CSNK2A2IP: variants seen among roughly 807,000 people sequenced by gnomAD.
CSNK2A2IP encodes casein kinase 2 subunit alpha' interacting protein.
chr3:88,340,408 C>T, the CSNK2A2IP span, among the ~76,000 whole-genome samples: 290 of 152,030 alleles, frequency 1.9e-3, no homozygotes, highest in Non-Finnish European at 3.2e-3. Flanking sequence ...TAGAGATGAA[C>T]TGAATTATTC....
chr3:88,444,450 A>G, the CSNK2A2IP span, among the ~76,000 whole-genome samples: 1 of 152,200 alleles, frequency 6.6e-6, no homozygotes, highest in African/African-American at 2.4e-5. Context: ...TGTCATTGTG[A>G]CAATATTTTG....
At chr3:88,418,437 AGTGTGT>A in the CSNK2A2IP span, among the ~76,000 whole-genome samples, 2 of 122,066 alleles carry the variant, frequency 1.6e-5, no homozygotes, top group African/African-American at 6.3e-5. Flanking sequence ...ACTGAATGTC[AGTGTGT>A]GTGTGTGTGT....
chr3:88,465,627 A>T, the CSNK2A2IP span: 1 of 1,231,544 alleles, frequency 8.1e-7, no homozygotes, highest in African/African-American at 1.6e-5. Context: ...TTCTGAATTC[A>T]CCATTGTTCC....
At chr3:88,464,451 A>G in the CSNK2A2IP span, among the ~76,000 whole-genome samples, 2 of 151,858 alleles carry the variant, frequency 1.3e-5, no homozygotes, top group African/African-American at 4.8e-5. Flanking sequence ...GGTGAGAGCA[A>G]AAGAAAAAAA....
At chr3:88,448,141 A>G in the CSNK2A2IP span, among the ~76,000 whole-genome samples, 1 of 152,232 alleles carries the variant, frequency 6.6e-6, no homozygotes, top group African/African-American at 2.4e-5. Flanking sequence ...AAGAGGAAGA[A>G]TGTTAATTGG....
chr3:88,349,225 AC>A, the CSNK2A2IP span, among the ~76,000 whole-genome samples: 1 of 151,720 alleles, frequency 6.6e-6, no homozygotes, highest in Admixed American at 6.6e-5. Flanking sequence ...ATTTTAGTGC[AC>A]CCCTCACCCA....
chr3:88,406,466 C>A, the CSNK2A2IP span, among the ~76,000 whole-genome samples: 1 of 152,120 alleles, frequency 6.6e-6, no homozygotes. Flanking sequence ...TCTTATCTCT[C>A]TAGAAGTGAG....
the CSNK2A2IP span, among the ~76,000 whole-genome samples, chr3:88,410,831 C>T: frequency 6.6e-6 from 1 of 151,806 alleles, no homozygotes; most frequent in Non-Finnish European, 1.5e-5. Context: ...GTTGGGTATC[C>T]AAAATTACTC....
chr3:88,448,075 C>T, the CSNK2A2IP span, among the ~76,000 whole-genome samples: 2 of 152,080 alleles, frequency 1.3e-5, no homozygotes, highest in Admixed American at 6.6e-5. Flanking sequence ...CGGTACTTAC[C>T]AGTGTCTCAA....
chr3:88,352,795 A>C, the CSNK2A2IP span, among the ~76,000 whole-genome samples: 1 of 151,966 alleles, frequency 6.6e-6, no homozygotes, highest in African/African-American at 2.4e-5. Flanking sequence ...AGGGCAAACA[A>C]CCCTCTCAAG....
chr3:88,448,497 T>G, the CSNK2A2IP span, among the ~76,000 whole-genome samples: 3 of 152,238 alleles, frequency 2.0e-5, no homozygotes, highest in Non-Finnish European at 4.4e-5. Context: ...AAAACCTATG[T>G]CCCATAGTTT....
the CSNK2A2IP span, among the ~76,000 whole-genome samples, chr3:88,407,969 C>G: frequency 6.6e-6 from 1 of 152,072 alleles, no homozygotes; most frequent in African/African-American, 2.4e-5. Flanking sequence ...GTGATCCACC[C>G]ACCTTGACCT....
At chr3:88,443,916 G>A in the CSNK2A2IP span, among the ~76,000 whole-genome samples, 2 of 151,666 alleles carry the variant, frequency 1.3e-5, no homozygotes, top group Non-Finnish European at 2.9e-5. Flanking sequence ...AAGTGTAATG[G>A]AATCATCCTG....
At chr3:88,363,279 T>A in the CSNK2A2IP span, among the ~76,000 whole-genome samples, 2 of 152,192 alleles carry the variant, frequency 1.3e-5, no homozygotes, top group African/African-American at 4.8e-5. Context: ...TAATATTTCC[T>A]ATACTTATAT....
the CSNK2A2IP span, among the ~76,000 whole-genome samples, chr3:88,420,905 T>C: frequency 6.6e-6 from 1 of 152,168 alleles, no homozygotes; most frequent in African/African-American, 2.4e-5. Context: ...TTGGGGAAAC[T>C]ATAACAGTCT....
chr3:88,426,984 A>G, the CSNK2A2IP span, among the ~76,000 whole-genome samples: 1 of 151,944 alleles, frequency 6.6e-6, no homozygotes, highest in African/African-American at 2.4e-5. Flanking sequence ...AACAGTTTGG[A>G]GGGCTCAGCA....
the CSNK2A2IP span, among the ~76,000 whole-genome samples, chr3:88,434,125 A>G: frequency 6.6e-6 from 1 of 152,160 alleles, no homozygotes; most frequent in Non-Finnish European, 1.5e-5. Flanking sequence ...GGGGGCATGG[A>G]GGAGATTGGG....
chr3:88,346,452 C>T, the CSNK2A2IP span, among the ~76,000 whole-genome samples: 1 of 151,980 alleles, frequency 6.6e-6, no homozygotes, highest in African/African-American at 2.4e-5. Context: ...CAGGCTGACT[C>T]TTGTTAGAGG....
chr3:88,430,672 A>G, the CSNK2A2IP span, among the ~76,000 whole-genome samples: 9 of 152,180 alleles, frequency 5.9e-5, no homozygotes, highest in Non-Finnish European at 1.3e-4. Flanking sequence ...AAGCTAGAAG[A>G]GGAAAGTATA....
Sources: gnomAD v4.1 joint callset for allele counts (sites outside exome capture counted in the v4.1 genomes callset) on GRCh38, gnomAD v4.1.1 for gene constraint, MANE v1.5 for transcripts, NCBI Gene and HGNC (gene_info 2026-07-23, HGNC 2026-07-21) for gene names.